OR8H1: variants seen among roughly 807,000 people sequenced by gnomAD.
The protein encoded by OR8H1 is olfactory receptor 8H1.
For missense variants in OR8H1, 388 were observed against 374.1 expected (o/e 1.04, Z -0.31); for synonymous variants, 135 against 134.5 (o/e 1.00, Z -0.03).
rs2134838422 is a variant in OR8H1 at position 56,292,048 on chromosome 11, C to A, written c.-120G>T. ...TTTCTTATAAATAAAATATGAAAACCATTTAAGGAGATAAAATTTTCTCCG... is the reference window on the plus strand; with the variant it reads ...TTTCTTATAAATAAAATATGAAAACAATTTAAGGAGATAAAATTTTCTCCG... On this transcript the variant is annotated 5_prime_UTR_variant, in exon 1 of 2. It removes an upstream start codon present in the reference 5' UTR. Transcript: ENST00000641600. The A allele has an allele frequency of 6.6e-6, 1 of 152,172 alleles. No homozygotes were observed. Among genetic ancestry groups the A allele is most frequent in the Non-Finnish European group, 1.5e-5 (1 of 67,982 alleles). 9.4% of individuals were successfully genotyped at this position (152,172 alleles called of 1,614,324 possible).
At position 56,288,755 on chromosome 11, in the gene OR8H1, T is replaced by C. The variant is rs922525276; in HGVS notation, c.*1372A>G. The C allele has an allele frequency of 1.3e-5, 2 of 152,096 alleles. No individual in the cohort carries two copies. Among genetic ancestry groups the C allele is most frequent in the Non-Finnish European group, 2.9e-5 (2 of 67,944 alleles). The allele number at this position is 152,096 out of a possible 1,614,324, so 9.4% of individuals were successfully genotyped here. ...GAAAATCAGTACACAGAAAGTGATA[T>C]TTAGTTTACATATGTTATACACATG... On this transcript the variant is annotated 3_prime_UTR_variant, in exon 2 of 2. Coordinates refer to ENST00000641600, the MANE Select transcript of OR8H1 (RefSeq NM_001005199.2).
chr11:56,291,074 GC>G lies in OR8H1; in HGVS notation c.-13del. ...TTTCTTCTACCCATGATGTTCAATT[GC>G]TTTAAACTGCTGAGAAATCAAAGTT... On this transcript the variant is annotated 5_prime_UTR_variant, in exon 2 of 2. Coordinates refer to ENST00000641600, the MANE Select transcript of OR8H1 (RefSeq NM_001005199.2). 1 of 1,537,072 alleles carries G rather than the reference GC, an allele frequency of 6.5e-7. No homozygotes were observed. The highest frequency in any genetic ancestry group is 8.8e-7 in the Non-Finnish European group (1 of 1,139,754).
chr11:56,289,043 A>G lies in OR8H1; in HGVS notation c.*1084T>C, dbSNP rs1854103433. On this transcript the variant is annotated 3_prime_UTR_variant, in exon 2 of 2. Transcript: ENST00000641600. The stretch of plus-strand genomic sequence containing the variant: ...TTTATTTCCTAAAGTCCAAATTGTG[A>G]ACTACTGATATTATCTTTTTTTTTC... 1 of 152,070 alleles carries G rather than the reference A, an allele frequency of 6.6e-6. No individual in the cohort carries two copies. Among genetic ancestry groups the G allele is most frequent in the Non-Finnish European group, 1.5e-5 (1 of 67,964 alleles). The allele number at this position is 152,070 out of a possible 1,614,324, so 9.4% of individuals were successfully genotyped here.
chr11:56,291,675 A>G (rs1467615842), intron 1 of OR8H1, among the ~76,000 whole-genome samples: 1 of 152,138 alleles, frequency 6.6e-6, no homozygotes, highest in Non-Finnish European at 1.5e-5. Context: ...AGCAGGATAC[A>G]TTAAAATTAT....
Position 56,288,577 on chromosome 11 carries a change from G to A in OR8H1, c.*1550C>T, listed in dbSNP as rs1407636592. 1 of 152,092 alleles carries A rather than the reference G, an allele frequency of 6.6e-6. No individual in the cohort carries two copies. Among genetic ancestry groups the A allele is most frequent in the Admixed American group, 6.5e-5 (1 of 15,276 alleles). 9.4% of individuals were successfully genotyped at this position (152,092 alleles called of 1,614,324 possible). ...ACACACAAAAGAGATATCACTGCAT[G>A]TAGATTTTTAATGTGGTGAGTTAAT... On this transcript the variant is annotated 3_prime_UTR_variant, in exon 2 of 2. Transcript: ENST00000641600.
rs114873440 is a variant in OR8H1 at position 56,290,675 on chromosome 11, G to C, written c.388C>G (p.Arg130Gly). The change falls in exon 2 of 2, where the codon CGT becomes GGT. Residue 130 changes from arginine (R) to glycine (G), a missense_variant. By Grantham distance (125) the Arg-to-Gly change is moderately radical (BLOSUM62 -2). Coordinates refer to ENST00000641600, the MANE Select transcript of OR8H1 (RefSeq NM_001005199.2). ...DRYVAICSPL[R>G]YPVIMSKRLC... ...CTTTTGGACATAATAACTGGGTAAC[G>C]TAGAGGACTGCAGATAGCTACGTAG... 1 of 1,614,058 alleles carries C rather than the reference G, an allele frequency of 6.2e-7. No individual in the cohort carries two copies. Among genetic ancestry groups the C allele is most frequent in the Non-Finnish European group, 8.5e-7 (1 of 1,179,996 alleles).
At position 56,288,699 on chromosome 11, in the gene OR8H1, A is replaced by G. The variant is rs1309447526; in HGVS notation, c.*1428T>C. ...TTGTCAATGACAAAGAGATTATCCA[A>G]TGTTAAACTTGTAAATGGATACAGA... On this transcript the variant is annotated 3_prime_UTR_variant, in exon 2 of 2. Coordinates refer to ENST00000641600, the MANE Select transcript of OR8H1 (RefSeq NM_001005199.2). 2 of 152,112 alleles carry G rather than the reference A, an allele frequency of 1.3e-5. No individual in the cohort carries two copies. The highest frequency in any genetic ancestry group is 4.8e-5 in the African/African-American group (2 of 41,470). 9.4% of individuals were successfully genotyped at this position (152,112 alleles called of 1,614,324 possible). A position where few individuals can be genotyped will look rare whatever the true frequency, so the allele number is the denominator to read the frequency against.
Position 56,290,168 on chromosome 11 carries a change from C to T in OR8H1, c.895G>A (p.Ala299Thr). 2 of 1,608,738 alleles carry T rather than the reference C, an allele frequency of 1.2e-6. No homozygotes were observed. The highest frequency in any genetic ancestry group is 1.7e-6 in the Non-Finnish European group (2 of 1,178,216). Residue 299 changes from alanine (A) to threonine (T), a missense_variant, in exon 2 of 2, where the codon GCT becomes ACT. Ala to Thr is a moderately conservative substitution (Grantham distance 58). Coordinates refer to ENST00000641600, the MANE Select transcript of OR8H1 (RefSeq NM_001005199.2). ...CTTCTCTGCATGACTCTAATGAGAGCATTTTTAACTTCTTTGTTTCTAAGA... is the reference window on the plus strand; with the variant it reads ...CTTCTCTGCATGACTCTAATGAGAGTATTTTTAACTTCTTTGTTTCTAAGA... The part of the protein sequence containing the change: ...YSLRNKEVKN[A>T]LIRVMQRRQD...
Position 56,290,475 on chromosome 11 carries a change from G to T in OR8H1, c.588C>A (p.Ile196=), listed in dbSNP as rs759091907. Residue 196 remains isoleucine (I), a synonymous_variant, in exon 2 of 2, where the codon ATC becomes ATA. Transcript: ENST00000641600. ...TGGAACCAGCTAAAATGTGTATCAT[G>T]ATTTCAATGTCGTATGTGTCCATGC... The part of the protein sequence containing the change: ...LSCMDTYDIE[I]MIHILAGSTL... The T allele has an allele frequency of 4.6e-5, 74 of 1,614,062 alleles. No homozygotes were observed. The highest frequency in any genetic ancestry group is 5.9e-5 in the Non-Finnish European group (70 of 1,180,020).
In OR8H1 at chr11:56,288,912, A is replaced by G. The variant is rs533016088; in HGVS notation, c.*1215T>C. The G allele has an allele frequency of 1.6e-4, 24 of 152,126 alleles. No individual in the cohort carries two copies. The highest frequency in any genetic ancestry group is 2.9e-4 in the Non-Finnish European group (20 of 67,976). 9.4% of individuals were successfully genotyped at this position (152,126 alleles called of 1,614,324 possible). A position where few individuals can be genotyped will look rare whatever the true frequency, so the allele number is the denominator to read the frequency against. ...CTATGCCATAAGCAAAACAGCCAAA[A>G]CTCAATATTTTGAGGGTTTCTATTT... On this transcript the variant is annotated 3_prime_UTR_variant, in exon 2 of 2. Coordinates refer to ENST00000641600, the MANE Select transcript of OR8H1 (RefSeq NM_001005199.2).
At position 56,290,320 on chromosome 11, in the gene OR8H1, G is replaced by C. The variant is rs146896395; in HGVS notation, c.743C>G (p.Thr248Ser). ...STCASHLLGV[T>S]IFYGTMIFTY... ...AAAAATCATAGTTCCATAAAAGATG[G>C]TGACTCCCAAGAGATGAGAGGCACA... Residue 248 changes from threonine (T) to serine (S), a missense_variant, in exon 2 of 2, where the codon ACC becomes AGC. Physicochemically the swap from Thr to Ser is moderately conservative, Grantham distance 58. Transcript: ENST00000641600. 5.1e-5 allele frequency: 83 copies of C among 1,613,688 alleles called. No individual in the cohort carries two copies. The African/African-American group carries it at 1.0e-3, about 20-fold the overall frequency.
Position 56,292,072 on chromosome 11 carries a change from C to G in OR8H1, c.-144G>C, listed in dbSNP as rs557189048. The G allele has an allele frequency of 2.6e-5, 4 of 151,884 alleles. No individual in the cohort carries two copies. Among genetic ancestry groups the G allele is most frequent in the African/African-American group, 9.7e-5 (4 of 41,350 alleles). 9.4% of individuals were successfully genotyped at this position (151,884 alleles called of 1,614,324 possible). On this transcript the variant is annotated 5_prime_UTR_variant, in exon 1 of 2. Transcript: ENST00000641600. Reference sequence around the variant, plus strand: ...CCATTTAAGGAGATAAAATTTTCTCCGATATAATATTTGTTTTCCTTGAGA... The same window carrying G: ...CCATTTAAGGAGATAAAATTTTCTCGGATATAATATTTGTTTTCCTTGAGA...
In OR8H1 at chr11:56,290,560, C is replaced by A. The variant is rs1854134181; in HGVS notation, c.503G>T (p.Cys168Phe). ...NVVWMSRLHF[C>F]DSNVVRHFFC... ...AAAGTGACGAACTACATTTGAGTCG[C>A]AGAAATGCAGTCTGCTCATCCAAAC... Residue 168 changes from cysteine to phenylalanine, a missense_variant, in exon 2 of 2, where the codon TGC becomes TTC. Transcript: ENST00000641600. 2 of 1,614,014 alleles carry A rather than the reference C, an allele frequency of 1.2e-6. No homozygotes were observed. Among genetic ancestry groups the A allele is most frequent in the Non-Finnish European group, 1.7e-6 (2 of 1,180,038 alleles).
At position 56,292,015 on chromosome 11, in the gene OR8H1, C is replaced by T. The variant is rs1231911195; in HGVS notation, c.-87G>A. The T allele has an allele frequency of 1.3e-5, 2 of 152,126 alleles. No individual in the cohort carries two copies. The highest frequency in any genetic ancestry group is 2.9e-5 in the Non-Finnish European group (2 of 68,022). The allele number at this position is 152,126 out of a possible 1,614,324, so 9.4% of individuals were successfully genotyped here. ...TATTATCTGTCTAGAAATTTGTCAA[C>T]CTCAATTTTTCTTATAAATAAAATA... On this transcript the variant is annotated 5_prime_UTR_variant, in exon 1 of 2. Coordinates refer to ENST00000641600, the MANE Select transcript of OR8H1 (RefSeq NM_001005199.2).
chr11:56,289,119 T>TA lies in OR8H1; in HGVS notation c.*1007dup. ...AATTAAATTAACCAAAAGTAATTTGTAAAACACAAGTGAATATCCTTCACA... is the reference window on the plus strand; with the variant it reads ...AATTAAATTAACCAAAAGTAATTTGTAAAAACACAAGTGAATATCCTTCACA... On this transcript the variant is annotated 3_prime_UTR_variant, in exon 2 of 2. Coordinates refer to ENST00000641600, the MANE Select transcript of OR8H1 (RefSeq NM_001005199.2). 6.6e-6 allele frequency: 1 copy of TA among 152,144 alleles called. No individual in the cohort carries two copies. The highest frequency in any genetic ancestry group is 1.9e-4 in the East Asian group (1 of 5,196). 9.4% of individuals were successfully genotyped at this position (152,144 alleles called of 1,614,324 possible).
intron 1 of OR8H1, 27 bp from the exon 2 acceptor site, chr11:56,291,111 A>G: frequency 7.6e-7 from 1 of 1,312,380 alleles, no homozygotes; most frequent in Non-Finnish European, 1.1e-6. Flanking sequence ...GATACTTAAC[A>G]TGAATGACTT....
Position 56,290,298 on chromosome 11 carries a change from A to T in OR8H1, c.765T>A (p.Ile255=), listed in dbSNP as rs1475636429. Reference sequence around the variant, plus strand: ...ACTTTCTTGGTTTTAAATAAGTAAAAATCATAGTTCCATAAAAGATGGTGA... The same window carrying T: ...ACTTTCTTGGTTTTAAATAAGTAAATATCATAGTTCCATAAAAGATGGTGA... ...LGVTIFYGTM[I]FTYLKPRKSY... is the part of the protein sequence containing the mutation. Residue 255 remains isoleucine (I), a synonymous_variant, in exon 2 of 2, where the codon ATT becomes ATA. Coordinates refer to ENST00000641600, the MANE Select transcript of OR8H1 (RefSeq NM_001005199.2). 2 of 1,613,098 alleles carry T rather than the reference A, an allele frequency of 1.2e-6. No individual in the cohort carries two copies. The highest frequency in any genetic ancestry group is 4.5e-5 in the East Asian group (2 of 44,886).
chr11:56,290,537 A>C lies in OR8H1; in HGVS notation c.526T>G (p.Phe176Val). The change falls in exon 2 of 2, where the codon TTT becomes GTT. Residue 176 changes from phenylalanine (F) to valine (V), a missense_variant. Transcript: ENST00000641600. ...HFCDSNVVRHFFCDTSPILAL... is the reference protein window; with the variant it reads ...HFCDSNVVRHVFCDTSPILAL... ...AAAATTGGAGACGTGTCGCAGAAAA[A>C]GTGACGAACTACATTTGAGTCGCAG... The C allele has an allele frequency of 6.2e-7, 1 of 1,614,228 alleles. No homozygotes were observed. Among genetic ancestry groups the C allele is most frequent in the Non-Finnish European group, 8.5e-7 (1 of 1,180,046 alleles).
At chr11:56,291,384 A>T (rs1854150465) in intron 1 of OR8H1, among the ~76,000 whole-genome samples, 1 of 152,192 alleles carries the variant, frequency 6.6e-6, no homozygotes, top group Non-Finnish European at 1.5e-5. Flanking sequence ...ACTATTATCG[A>T]CATATTTTAG....
Sources: gnomAD v4.1 joint callset for allele counts (sites outside exome capture counted in the v4.1 genomes callset) on GRCh38, gnomAD v4.1.1 for gene constraint, MANE v1.5 for transcripts, NCBI Gene and HGNC (gene_info 2026-07-23, HGNC 2026-07-21) for gene names.